The following RASGEF1C variants were observed in gnomAD, a reference collection of about 807,000 sequenced individuals.
RASGEF1C encodes the protein RasGEF domain family member 1C, also known as ras-GEF domain-containing family member 1C.
Under a neutral mutation model 58.1 loss-of-function variants are expected in RASGEF1C, and 27 were observed. The ratio of observed to expected loss-of-function variants is 0.46; its 90% CI spans 0.34 to 0.64. The LOEUF (loss-of-function observed/expected upper bound fraction) is 0.64. RASGEF1C is among the 30% of genes least tolerant of loss of function. The pLI, the probability that RASGEF1C is intolerant of heterozygous loss-of-function variation, is 0.01. For missense variants in RASGEF1C, 502 were observed against 605.1 expected (o/e 0.83, Z 1.79); for synonymous variants, 243 against 246.3 (o/e 0.99, Z 0.13).
At chr5:180,160,532 C>A (rs938136496) in intron 1 of RASGEF1C, among the ~76,000 whole-genome samples, 5 of 152,224 alleles carry the variant, frequency 3.3e-5, no homozygotes, top group African/African-American at 7.2e-5. Flanking sequence ...ACTGCACGCA[C>A]CCATTTCTAT....
intron 1 of RASGEF1C, among the ~76,000 whole-genome samples, chr5:180,204,527 G>C (rs978406886): frequency 6.6e-6 from 1 of 152,084 alleles, no homozygotes; most frequent in Non-Finnish European, 1.5e-5. Flanking sequence ...AGAAATATCA[G>C]ATCATTATCT....
intron 1 of RASGEF1C, among the ~76,000 whole-genome samples, chr5:180,207,126 G>C (rs1355085868): frequency 6.6e-6 from 1 of 152,214 alleles, no homozygotes; most frequent in Non-Finnish European, 1.5e-5. Flanking sequence ...GACTGATAAC[G>C]TCACCACACA....
rs551788530 is a variant in RASGEF1C, at chr5:180,101,375, G to T, written c.*126C>A. The T allele has an allele frequency of 1.8e-6, 2 of 1,089,208 alleles. No individual in the cohort carries two copies. Among genetic ancestry groups the T allele is most frequent in the Non-Finnish European group, 2.7e-6 (2 of 748,834 alleles). 67.5% of individuals were successfully genotyped at this position (1,089,208 alleles called of 1,614,324 possible). ...GTGGGGGGGGGGGGGGCGGGCAGCA[G>T]GCCACAGGGTCGGCATTTGCAAAAT... is the stretch of plus-strand genomic sequence containing the variant. On this transcript the variant is annotated 3_prime_UTR_variant, in exon 14 of 14. Coordinates refer to ENST00000361132, the MANE Select transcript of RASGEF1C (RefSeq NM_175062.4).
In RASGEF1C at chr5:180,156,047, C is replaced by T. The variant is rs1474344464; in HGVS notation, c.-6-17989G>A. 6.6e-6 allele frequency among the ~76,000 whole-genome samples: 1 copy of T among 152,176 alleles called. No individual in the cohort carries two copies. The highest frequency in any genetic ancestry group is 2.1e-4 in the South Asian group (1 of 4,830). The stretch of plus-strand genomic sequence containing the variant: ...CCAGGACCCAGGCTAATAAAAAGAG[C>T]GTTACCAGTACCTTAAAATCCCTAA... On this transcript the variant is annotated intron_variant, in intron 1 of 13. Transcript: ENST00000361132. This position sits in a 1 kb window ranked among gnomAD's most constrained non-coding sequence, Gnocchi z 4.9.
chr5:180,164,022 C>T (rs893149228), intron 1 of RASGEF1C, among the ~76,000 whole-genome samples: 5 of 152,126 alleles, frequency 3.3e-5, no homozygotes, highest in African/African-American at 1.2e-4. Context: ...ATGTGTGTAG[C>T]GTTGTTATAG....
intron 12 of RASGEF1C, among the ~76,000 whole-genome samples, chr5:180,110,392 C>T (rs1295352145): frequency 7.6e-6 from 1 of 132,256 alleles, no homozygotes; most frequent in Admixed American, 7.8e-5. Flanking sequence ...ATCCTTCTCC[C>T]TTTTTTTTTT....
chr5:180,119,032 G>GAA lies in RASGEF1C; in HGVS notation c.908-167_908-166insTT, dbSNP rs1561733504. 1.7e-4 allele frequency among the ~76,000 whole-genome samples: 26 copies of GAA among 152,330 alleles called. No individual in the cohort carries two copies. In the East Asian group the frequency reaches 4.4e-3, roughly 26 times the overall value. ...GCTGGTGGACATCATGGTCAGGTAG[G>GAA]CCTGCTGCCACCATGCTGGTCCCAT... On this transcript the variant is annotated intron_variant, in intron 8 of 13. Transcript: ENST00000361132.
chr5:180,176,701 C>T (rs929041831), intron 1 of RASGEF1C, among the ~76,000 whole-genome samples: 6 of 151,978 alleles, frequency 3.9e-5, no homozygotes, highest in South Asian at 2.1e-4. Flanking sequence ...GGACTATAGG[C>T]GTCTGCCACC....
At chr5:180,139,072 T>C (rs1270443320) in intron 1 of RASGEF1C, among the ~76,000 whole-genome samples, 2 of 151,998 alleles carry the variant, frequency 1.3e-5, no homozygotes, top group African/African-American at 4.8e-5. Flanking sequence ...TACCCAAACC[T>C]CCAGGCAGAG....
Position 180,168,422 on chromosome 5 carries a change from A to G in RASGEF1C, c.-6-30364T>C, listed in dbSNP as rs1281134093. On this transcript the variant is annotated intron_variant, in intron 1 of 13. Transcript: ENST00000361132. The surrounding 1 kb of genome is among the most constrained non-coding windows in gnomAD (Gnocchi z 6.0). ...CACTCCAGCCTGGGCAACAAGAGCG[A>G]AACTCCATCTCAAAATAAATAAACA... is the stretch of plus-strand genomic sequence containing the variant. 6.6e-6 allele frequency among the ~76,000 whole-genome samples: 1 copy of G among 152,180 alleles called. No homozygotes were observed. Among genetic ancestry groups the G allele is most frequent in the African/African-American group, 2.4e-5 (1 of 41,440 alleles).
intron 1 of RASGEF1C, among the ~76,000 whole-genome samples, chr5:180,167,702 T>A (rs986525167): frequency 3.3e-5 from 5 of 152,240 alleles, no homozygotes; most frequent in African/African-American, 4.8e-5. Flanking sequence ...CCAATGTCTG[T>A]TTCATCTTAG....
intron 1 of RASGEF1C, among the ~76,000 whole-genome samples, chr5:180,182,306 G>A (rs183193278): frequency 4.1e-4 from 62 of 151,346 alleles, no homozygotes; most frequent in East Asian, 2.9e-3. Context: ...TCTTCCTTCC[G>A]GTGGGTTTGT....
intron 1 of RASGEF1C, among the ~76,000 whole-genome samples, chr5:180,172,240 A>G (rs1368518424): frequency 1.3e-5 from 2 of 152,070 alleles, no homozygotes; most frequent in African/African-American, 4.8e-5. Flanking sequence ...CTGCCTGAGC[A>G]CTCAGGGCCC....
intron 10 of RASGEF1C, 65 bp downstream of exon 10, chr5:180,118,544 G>T: frequency 7.1e-7 from 1 of 1,402,226 alleles, no homozygotes; most frequent in Non-Finnish European, 9.8e-7. Context: ...TGCAGCAAGT[G>T]AACTCTGAGC....
intron 1 of RASGEF1C, among the ~76,000 whole-genome samples, chr5:180,159,200 C>T (rs7700640): frequency 0.5 from 75,337 of 150,388 alleles, 19,157 homozygotes; most frequent in African/African-American, 0.55. Flanking sequence ...AGTGCAACGG[C>T]GCGATCTCGG....
At position 180,137,405 on chromosome 5, in the gene RASGEF1C, A is replaced by G. The variant is rs1346411406; in HGVS notation, c.300+185T>C. Reference sequence around the variant, plus strand: ...TTCCCGTCGGGCACTGGAAAACTACATGGAGGTTAAAGGTCCTGTTCTGCT... The same window carrying G: ...TTCCCGTCGGGCACTGGAAAACTACGTGGAGGTTAAAGGTCCTGTTCTGCT... On this transcript the variant is annotated intron_variant, in intron 3 of 13. Coordinates refer to ENST00000361132, the MANE Select transcript of RASGEF1C (RefSeq NM_175062.4). This position sits in a 1 kb window ranked among gnomAD's most constrained non-coding sequence, Gnocchi z 4.1. Among the ~76,000 whole-genome samples, 1 of 152,030 alleles carries G rather than the reference A, an allele frequency of 6.6e-6. No individual in the cohort carries two copies. The highest frequency in any genetic ancestry group is 1.5e-5 in the Non-Finnish European group (1 of 67,994).
chr5:180,193,350 C>T (rs1426887338), intron 1 of RASGEF1C, among the ~76,000 whole-genome samples: 6 of 152,122 alleles, frequency 3.9e-5, no homozygotes, highest in South Asian at 4.1e-4. Context: ...CCACCGTGCC[C>T]GGCCTAAAAT....
chr5:180,153,545 C>T (rs1462921072), intron 1 of RASGEF1C, among the ~76,000 whole-genome samples: 1 of 152,180 alleles, frequency 6.6e-6, no homozygotes, highest in Non-Finnish European at 1.5e-5. Flanking sequence ...AGATGGAATC[C>T]TGATGCCTGC....
At chr5:180,129,832 A>C (rs12514468) in intron 4 of RASGEF1C, among the ~76,000 whole-genome samples, 2,133 of 152,268 alleles carry the variant, frequency 0.014, 64 homozygotes, top group African/African-American at 0.048. Context: ...CCTTGAGGAC[A>C]TGAGGATGTC....
Sources: gnomAD v4.1 joint callset for allele counts (sites outside exome capture counted in the v4.1 genomes callset) on GRCh38, gnomAD v4.1.1 for gene constraint, Gnocchi (gnomAD v3.1) non-coding constraint, MANE v1.5 for transcripts, NCBI Gene and HGNC (gene_info 2026-07-23, HGNC 2026-07-21) for gene names.